BAZ2B: variants seen among roughly 807,000 people sequenced by gnomAD.
The protein encoded by BAZ2B is bromodomain adjacent to zinc finger domain protein 2B.
In BAZ2B, 91 loss-of-function variants were observed where a neutral mutation model predicts 246.0. That is an observed-to-expected ratio of 0.37 (90% confidence interval 0.31 to 0.44). The LOEUF is 0.44. Among genes scored for constraint, BAZ2B ranks in the 20% least tolerant of loss-of-function variants. The pLI, the probability that BAZ2B is intolerant of heterozygous loss-of-function variation, is 1.00. For missense variants in BAZ2B, 2,332 were observed against 2,533.7 expected (o/e 0.92, Z 1.71); for synonymous variants, 855 against 860.0 (o/e 0.99, Z 0.10).
the BAZ2B span, among the ~76,000 whole-genome samples, chr2:159,706,365 G>A: frequency 6.6e-6 from 1 of 152,160 alleles, no homozygotes; most frequent in Non-Finnish European, 1.5e-5. Context: ...AAAAATTTAA[G>A]ATAAAACAGG....
chr2:159,668,567 T>C, the BAZ2B span, among the ~76,000 whole-genome samples: 18 of 152,328 alleles, frequency 1.2e-4, no homozygotes, highest in Non-Finnish European at 2.2e-4. Context: ...CTCAATCATG[T>C]AGGTAGGTAC....
Position 159,438,586 on chromosome 2 carries a change from G to C in BAZ2B, c.1010C>G (p.Thr337Ser), listed in dbSNP as rs1009318496. 10 of 1,614,048 alleles carry C rather than the reference G, an allele frequency of 6.2e-6. No individual in the cohort carries two copies. Among genetic ancestry groups the C allele is most frequent in the Non-Finnish European group, 8.5e-6 (10 of 1,180,016 alleles). Residue 337 changes from threonine (T) to serine (S), a missense_variant, in exon 8 of 37, where the codon ACT becomes AGT. By Grantham distance (58) the Thr-to-Ser change is moderately conservative (BLOSUM62 1). Around this residue, in one of 9 missense-constraint regions of BAZ2B, gnomAD observed 161 missense variants for 225.8 expected, o/e 0.71. Transcript: ENST00000392783. ...CTTCTGCTGGGATTGGAATGAGTGA[G>C]TCTGGGATTCAGACGCAAGAGGTAA... is the stretch of plus-strand genomic sequence containing the variant. ...QPLPLASESQ[T>S]HSFQSQQKQP...
chr2:159,665,759 A>C, the BAZ2B span, among the ~76,000 whole-genome samples: 1 of 151,780 alleles, frequency 6.6e-6, no homozygotes, highest in African/African-American at 2.4e-5. Flanking sequence ...CTAGAAGAAA[A>C]CCTAGGCATT....
At chr2:159,520,603 A>G (rs1210692371) in intron 2 of BAZ2B, among the ~76,000 whole-genome samples, 6 of 152,206 alleles carry the variant, frequency 3.9e-5, no homozygotes, top group African/African-American at 7.2e-5. Context: ...TATATTTATA[A>G]CAGCTCATGT....
intron 1 of BAZ2B, among the ~76,000 whole-genome samples, chr2:159,574,902 G>A (rs1044483405): frequency 7.9e-5 from 12 of 151,772 alleles, no homozygotes; most frequent in African/African-American, 2.7e-4. Context: ...TCCAGGAGGC[G>A]GAGGCTGCAG....
chr2:159,568,141 A>C (rs1396880383), intron 1 of BAZ2B, among the ~76,000 whole-genome samples: 1 of 152,172 alleles, frequency 6.6e-6, no homozygotes, highest in Non-Finnish European at 1.5e-5. Flanking sequence ...CAAAAGAAAC[A>C]ACATATCAAT....
the BAZ2B span, among the ~76,000 whole-genome samples, chr2:159,646,552 T>G: frequency 3.9e-5 from 6 of 152,120 alleles, no homozygotes; most frequent in African/African-American, 1.4e-4. Context: ...ATCCATGAAA[T>G]CTTCACAATT....
At chr2:159,466,774 C>G (rs964765027) in intron 3 of BAZ2B, among the ~76,000 whole-genome samples, 1 of 152,170 alleles carries the variant, frequency 6.6e-6, no homozygotes, top group East Asian at 1.9e-4. Context: ...GACTGATGTC[C>G]TAGATCAATC....
chr2:159,606,875 A>T (rs1693617492), intron 1 of BAZ2B, among the ~76,000 whole-genome samples: 2 of 150,872 alleles, frequency 1.3e-5, no homozygotes, highest in Non-Finnish European at 3.0e-5. Context: ...TGTTTTGAAA[A>T]TTTTTTAAAT....
chr2:159,363,495 A>T (rs2059924385), intron 27 of BAZ2B, among the ~76,000 whole-genome samples: 1 of 152,178 alleles, frequency 6.6e-6, no homozygotes, highest in African/African-American at 2.4e-5. Flanking sequence ...TGGACATGAA[A>T]TAGTTCTTTT....
chr2:159,619,792 A>G (rs1696359192), upstream of BAZ2B, among the ~76,000 whole-genome samples: 1 of 152,016 alleles, frequency 6.6e-6, no homozygotes, highest in South Asian at 2.1e-4. Context: ...ATCATACTTT[A>G]TCATTTCAGA....
chr2:159,603,064 C>T (rs1692544598), intron 1 of BAZ2B, among the ~76,000 whole-genome samples: 1 of 152,086 alleles, frequency 6.6e-6, no homozygotes, highest in Non-Finnish European at 1.5e-5. Context: ...TCGAAACCAG[C>T]AGGCGGAGGT....
chr2:159,444,614 A>T (rs2073971255), intron 6 of BAZ2B: 1 of 152,228 alleles, frequency 6.6e-6, no homozygotes, highest in Admixed American at 6.5e-5. Context: ...AAGTTTGACA[A>T]AGTAGTTCTT....
chr2:159,568,804 G>A (rs1175352542), intron 1 of BAZ2B, among the ~76,000 whole-genome samples: 2 of 152,154 alleles, frequency 1.3e-5, no homozygotes, highest in African/African-American at 4.8e-5. Flanking sequence ...TGATTCTTAA[G>A]AGCTGAATTT....
In BAZ2B at chr2:159,431,072, T is replaced by C. The variant is rs2150166319; in HGVS notation, c.1985A>G (p.Asp662Gly). The change falls in exon 10 of 37, where the codon GAT becomes GGT. Residue 662 changes from aspartate to glycine, a missense_variant. Coordinates refer to ENST00000392783, the MANE Select transcript of BAZ2B (RefSeq NM_013450.4). ...DDKDQDESDSDTEGEKTSMKL... is the reference protein window; with the variant it reads ...DDKDQDESDSGTEGEKTSMKL... ...CATTGAAGTTTTCTCTCCTTCAGTATCACTATCTGATTCATCTTGGTCTTT... is the reference window on the plus strand; with the variant it reads ...CATTGAAGTTTTCTCTCCTTCAGTACCACTATCTGATTCATCTTGGTCTTT... 6.2e-7 allele frequency: 1 copy of C among 1,614,066 alleles called. No individual in the cohort carries two copies. The highest frequency in any genetic ancestry group is 8.5e-7 in the Non-Finnish European group (1 of 1,179,912).
intron 31 of BAZ2B, among the ~76,000 whole-genome samples, chr2:159,341,311 G>A (rs557347856): frequency 6.6e-6 from 1 of 152,166 alleles, no homozygotes; most frequent in Admixed American, 6.5e-5. Flanking sequence ...TAAATAAAGG[G>A]ATCAATTCAA....
chr2:159,389,582 C>T (rs1311105448), intron 20 of BAZ2B, 97 bp from the exon 21 acceptor site: 4 of 1,102,990 alleles, frequency 3.6e-6, no homozygotes, highest in Non-Finnish European at 4.9e-6. Context: ...TTTTGCTTTT[C>T]ATTAATCTTA....
At chr2:159,463,648 TCA>T (rs1361700023) in intron 3 of BAZ2B, 1 of 152,244 alleles carries the variant, frequency 6.6e-6, no homozygotes, top group Non-Finnish European at 1.5e-5. Context: ...GAGCATTTTT[TCA>T]TATATCTGCT....
At chr2:159,345,157 G>C (rs1264742585) in intron 31 of BAZ2B, among the ~76,000 whole-genome samples, 1 of 151,474 alleles carries the variant, frequency 6.6e-6, no homozygotes, top group Non-Finnish European at 1.5e-5. Context: ...GTTGCTGTGA[G>C]CTGAGATCAC....
Sources: gnomAD v4.1 joint callset for allele counts (sites outside exome capture counted in the v4.1 genomes callset) on GRCh38, gnomAD v4.1.1 for gene constraint, gnomAD v4.1.1 regional missense constraint, MANE v1.5 for transcripts, NCBI Gene and HGNC (gene_info 2026-07-23, HGNC 2026-07-21) for gene names.